The following ANKRD39 variants were observed in gnomAD, a reference collection of about 807,000 sequenced individuals.
ANKRD39 encodes ankyrin repeat domain-containing protein 39.
In ANKRD39, 18 loss-of-function variants were observed where a neutral mutation model predicts 20.3. That is an observed-to-expected ratio of 0.89 (90% confidence interval 0.61 to 1.32). The LOEUF (loss-of-function observed/expected upper bound fraction) is 1.32, where lower values mean the gene tolerates loss of function less well. Among genes scored for constraint, ANKRD39 ranks in the 40% most tolerant of loss-of-function variants. ANKRD39 has a pLI of 0.00. For synonymous variants in ANKRD39, 106 were observed against 111.9 expected (o/e 0.95, Z 0.33); for missense variants, 243 against 250.7 (o/e 0.97, Z 0.21).
At chr2:96,857,769 G>T in intron 1 of ANKRD39, 119 bp downstream of exon 1, 1 of 1,073,456 alleles carries the variant, frequency 9.3e-7, no homozygotes, top group Non-Finnish European at 1.3e-6. Context: ...TCCCGCACCA[G>T]GCCCCAAGCC....
intron 1 of ANKRD39, among the ~76,000 whole-genome samples, chr2:96,854,642 A>T (rs1476274123): frequency 1.3e-5 from 2 of 152,258 alleles, no homozygotes; most frequent in East Asian, 1.9e-4. Flanking sequence ...GGCACATCTC[A>T]TCAGGACAGT....
intron 3 of ANKRD39, among the ~76,000 whole-genome samples, chr2:96,851,643 G>C (rs936174574): frequency 6.6e-6 from 1 of 152,148 alleles, no homozygotes; most frequent in Non-Finnish European, 1.5e-5. Flanking sequence ...ACTGAGATAC[G>C]CAGACCCCAA....
In ANKRD39 at chr2:96,854,431, C is replaced by T. The variant is rs375571041; in HGVS notation, c.111G>A (p.Ser37=). The T allele has an allele frequency of 1.0e-4, 164 of 1,613,994 alleles. No homozygotes were observed. Among genetic ancestry groups the T allele is most frequent in the Non-Finnish European group, 1.3e-4 (153 of 1,180,014 alleles). ...EEMDFERGIW[S]AALNGDLGRV... The stretch of plus-strand genomic sequence containing the variant: ...GGCCCAGGTCTCCATTCAGGGCTGC[C>T]GACCAGATTCCTGCAGAAAGGCAAC... Residue 37 remains serine (S), a synonymous_variant, in exon 2 of 4, where the codon TCG becomes TCA. Coordinates refer to ENST00000393537, the MANE Select transcript of ANKRD39 (RefSeq NM_016466.6).
chr2:96,854,586 AG>A, intron 1 of ANKRD39, 145 bp from the exon 2 acceptor site: 1 of 786,944 alleles, frequency 1.3e-6, no homozygotes, highest in Non-Finnish European at 2.1e-6. Flanking sequence ...CTCTGTGTCA[AG>A]GTTTGTTCTG....
intron 2 of ANKRD39, among the ~76,000 whole-genome samples, chr2:96,853,948 G>A (rs1367599137): frequency 5.3e-5 from 8 of 152,178 alleles, no homozygotes; most frequent in African/African-American, 1.7e-4. Flanking sequence ...TCAACATGGT[G>A]AAAACCCATC....
intron 2 of ANKRD39, 75 bp from the exon 3 acceptor site, chr2:96,853,679 G>T (rs1332576590): frequency 5.6e-6 from 8 of 1,441,252 alleles, no homozygotes; most frequent in Non-Finnish European, 6.7e-6. Flanking sequence ...GTGAGAGCAT[G>T]GCCTCCCTGC....
At chr2:96,857,333 C>T (rs1195215526) in intron 1 of ANKRD39, among the ~76,000 whole-genome samples, 4 of 152,208 alleles carry the variant, frequency 2.6e-5, no homozygotes, top group Admixed American at 1.3e-4. Flanking sequence ...CCTATTGGCA[C>T]CATAATCTCT....
intron 1 of ANKRD39, among the ~76,000 whole-genome samples, chr2:96,854,849 C>T (rs969471133): frequency 1.1e-4 from 16 of 152,174 alleles, no homozygotes; most frequent in African/African-American, 3.6e-4. Context: ...GCCTTGAACT[C>T]CTGACCTCAA....
chr2:96,848,748 G>A (rs1294211300), intron 3 of ANKRD39, among the ~76,000 whole-genome samples: 1 of 152,098 alleles, frequency 6.6e-6, no homozygotes, highest in Non-Finnish European at 1.5e-5. Context: ...TTGAACCCGG[G>A]AGGCGGAGGT....
chr2:96,849,114 T>C (rs1178225563), intron 3 of ANKRD39, among the ~76,000 whole-genome samples: 18 of 152,210 alleles, frequency 1.2e-4, no homozygotes, highest in Admixed American at 9.2e-4. Flanking sequence ...CCCCTACCCA[T>C]TGGGAATTTT....
rs1300190038 is a variant in ANKRD39, at chr2:96,854,445, C to A, written c.101-4G>T. On this transcript the variant is annotated splice_region_variant and splice_polypyrimidine_tract_variant and intron_variant, in intron 1 of 3. Coordinates refer to ENST00000393537, the MANE Select transcript of ANKRD39 (RefSeq NM_016466.6). ...TTCAGGGCTGCCGACCAGATTCCTG[C>A]AGAAAGGCAACCAAAGGACTGAATG... is the stretch of plus-strand genomic sequence containing the variant. The A allele has an allele frequency of 1.2e-6, 2 of 1,613,950 alleles. No homozygotes were observed. The highest frequency in any genetic ancestry group is 2.7e-5 in the African/African-American group (2 of 74,942).
At chr2:96,848,557 T>G in intron 3 of ANKRD39, 113 bp from the exon 4 acceptor site, 1 of 1,389,814 alleles carries the variant, frequency 7.2e-7, no homozygotes, top group South Asian at 1.4e-5. Context: ...CTGGGCGCAG[T>G]GGCTCACGCC....
At position 96,848,329 on chromosome 2, in the gene ANKRD39, C is replaced by G. The variant is rs1424723726; in HGVS notation, c.524G>C (p.Ser175Thr). ...RLACDLLPCNSDLRDLLSS is the reference protein window; with the variant it reads ...RLACDLLPCNTDLRDLLSS ...GCTGGATAGCAGGTCCCGCAGGTCACTGTTGCAAGGCAGCAGGTCACATGC... is the reference window on the plus strand; with the variant it reads ...GCTGGATAGCAGGTCCCGCAGGTCAGTGTTGCAAGGCAGCAGGTCACATGC... The change falls in exon 4 of 4, where the codon AGT becomes ACT. Residue 175 changes from serine to threonine, a missense_variant. Physicochemically the swap from Ser to Thr is moderately conservative, Grantham distance 58. Transcript: ENST00000393537. The G allele has an allele frequency of 6.2e-7, 1 of 1,614,154 alleles. No homozygotes were observed. The highest frequency in any genetic ancestry group is 1.7e-5 in the Admixed American group (1 of 60,028).
At chr2:96,849,165 A>G (rs1018532162) in intron 3 of ANKRD39, among the ~76,000 whole-genome samples, 10 of 152,066 alleles carry the variant, frequency 6.6e-5, no homozygotes, top group African/African-American at 2.2e-4. Flanking sequence ...TTATCATTGC[A>G]TTTTAGAGAC....
intron 3 of ANKRD39, among the ~76,000 whole-genome samples, chr2:96,851,063 A>C (rs1056896876): frequency 1.3e-5 from 2 of 152,024 alleles, no homozygotes; most frequent in Non-Finnish European, 2.9e-5. Flanking sequence ...GTGTGATCTC[A>C]GTTCACTGGA....
intron 2 of ANKRD39, among the ~76,000 whole-genome samples, 179 bp downstream of exon 2, chr2:96,854,159 A>G (rs1400448056): frequency 6.6e-6 from 1 of 152,222 alleles, no homozygotes; most frequent in Non-Finnish European, 1.5e-5. Context: ...ATTGATGTAA[A>G]GGTCTCACAC....
chr2:96,856,668 T>C (rs1448718449), intron 1 of ANKRD39, among the ~76,000 whole-genome samples: 6 of 152,080 alleles, frequency 3.9e-5, no homozygotes, highest in Non-Finnish European at 7.4e-5. Flanking sequence ...ACCCTCCTGA[T>C]TGTGACAACC....
intron 3 of ANKRD39, among the ~76,000 whole-genome samples, chr2:96,849,621 G>C (rs1255397225): frequency 1.3e-5 from 2 of 152,106 alleles, no homozygotes; most frequent in Non-Finnish European, 2.9e-5. Flanking sequence ...CTGCACTCCA[G>C]CCTGGGGGAC....
intron 3 of ANKRD39, among the ~76,000 whole-genome samples, chr2:96,851,657 G>A (rs1439223399): frequency 6.6e-6 from 1 of 152,174 alleles, no homozygotes; most frequent in Non-Finnish European, 1.5e-5. Context: ...ACCCCAAACA[G>A]GGAATTTCCA....
Sources: allele counts gnomAD v4.1 joint callset (sites outside exome capture counted in the v4.1 genomes callset), GRCh38; gene constraint gnomAD v4.1.1; transcripts MANE v1.5; gene names NCBI Gene and HGNC (gene_info 2026-07-23, HGNC 2026-07-21).